The following AUTS2 variants were observed in gnomAD, a reference collection of about 807,000 sequenced individuals.
The protein encoded by AUTS2 is autism susceptibility gene 2 protein.
A neutral mutation model predicts 112.4 loss-of-function variants in AUTS2; 17 were observed. The ratio of observed to expected loss-of-function variants is 0.15; its 90% CI spans 0.10 to 0.23. AUTS2 has a LOEUF of 0.23. Ranked by LOEUF, AUTS2 falls within the 10% of genes least tolerant of loss-of-function variation. AUTS2 has a pLI of 1.00. For synonymous variants in AUTS2, 751 were observed against 702.7 expected (o/e 1.07, Z -1.09); for missense variants, 1,510 against 1,701.6 (o/e 0.89, Z 1.98).
At chr7:70,419,777 A>G (rs75106250) in intron 4 of AUTS2, among the ~76,000 whole-genome samples, 7,638 of 152,328 alleles carry the variant, frequency 0.05, 285 homozygotes, top group Middle Eastern at 0.12. Context: ...CCAACACTGC[A>G]TATCAGCATT....
At chr7:69,643,880 G>C (rs1000075284) in intron 1 of AUTS2, among the ~76,000 whole-genome samples, 1 of 152,144 alleles carries the variant, frequency 6.6e-6, no homozygotes, top group Non-Finnish European at 1.5e-5. Context: ...TGGAGATGAG[G>C]CTGCAGTGAG....
At chr7:70,410,868 T>C (rs1794748351) in intron 4 of AUTS2, among the ~76,000 whole-genome samples, 1 of 150,070 alleles carries the variant, frequency 6.7e-6, no homozygotes, top group African/African-American at 2.4e-5. Context: ...TTATTATTAT[T>C]ATTATTATGT....
intron 1 of AUTS2, among the ~76,000 whole-genome samples, chr7:69,781,290 G>A (rs1789133854): frequency 6.6e-6 from 1 of 152,204 alleles, no homozygotes; most frequent in Admixed American, 6.5e-5. Flanking sequence ...TAAAATGAAA[G>A]TAATATGAAA....
chr7:69,734,348 G>GTTTT (rs77361580), intron 1 of AUTS2, among the ~76,000 whole-genome samples: 4 of 131,988 alleles, frequency 3.0e-5, no homozygotes, highest in Non-Finnish European at 5.0e-5. Flanking sequence ...TTCCTCTTTA[G>GTTTT]TTTTTTTTTT....
intron 2 of AUTS2, among the ~76,000 whole-genome samples, chr7:70,056,820 A>C (rs931329767): frequency 6.6e-6 from 1 of 152,176 alleles, no homozygotes; most frequent in Non-Finnish European, 1.5e-5. Context: ...TGGAGTCCTT[A>C]ACTGATTCAG....
At chr7:69,659,049 G>T (rs918972799) in intron 1 of AUTS2, among the ~76,000 whole-genome samples, 1 of 152,188 alleles carries the variant, frequency 6.6e-6, no homozygotes, top group Non-Finnish European at 1.5e-5. Context: ...CCAGCAACTG[G>T]CAGATGTTTG....
chr7:70,182,465 A>G (rs1204598771), intron 4 of AUTS2, among the ~76,000 whole-genome samples: 1 of 152,208 alleles, frequency 6.6e-6, no homozygotes. Context: ...TTAGCTGACT[A>G]GGAGCAGGAA....
chr7:70,012,326 C>CA (rs1799842130), intron 2 of AUTS2, among the ~76,000 whole-genome samples: 1 of 152,126 alleles, frequency 6.6e-6, no homozygotes, highest in Non-Finnish European at 1.5e-5. Context: ...CTTTGTGGTT[C>CA]ATATTTTTAG....
At chr7:70,611,771 C>T (rs1804104938) in intron 5 of AUTS2, among the ~76,000 whole-genome samples, 1 of 152,222 alleles carries the variant, frequency 6.6e-6, no homozygotes, top group Non-Finnish European at 1.5e-5. Flanking sequence ...CACACTCACT[C>T]ACTAGAATGT....
intron 6 of AUTS2, among the ~76,000 whole-genome samples, chr7:70,700,746 C>T (rs555420633): frequency 1.3e-5 from 2 of 152,278 alleles, no homozygotes; most frequent in African/African-American, 2.4e-5. Flanking sequence ...GGTGCAGAGT[C>T]TCCTTATAGG....
intron 5 of AUTS2, among the ~76,000 whole-genome samples, chr7:70,498,934 C>T (rs1359493796): frequency 6.6e-6 from 1 of 152,178 alleles, no homozygotes; most frequent in Non-Finnish European, 1.5e-5. Flanking sequence ...TGAAGAGACG[C>T]AGGGCAGCCC....
chr7:70,146,831 T>G (rs1035781185), intron 4 of AUTS2, among the ~76,000 whole-genome samples: 35 of 152,148 alleles, frequency 2.3e-4, no homozygotes, highest in African/African-American at 8.0e-4. Context: ...ACAGCTCAAT[T>G]TTATTATTTT....
At chr7:70,745,748 A>C (rs1172357219) in intron 6 of AUTS2, among the ~76,000 whole-genome samples, 1 of 152,232 alleles carries the variant, frequency 6.6e-6, no homozygotes, top group East Asian at 1.9e-4. Flanking sequence ...ATGATTTAAA[A>C]TAGAACATTA....
At chr7:70,432,702 AT>A in intron 4 of AUTS2, among the ~76,000 whole-genome samples, 1 of 152,290 alleles carries the variant, frequency 6.6e-6, no homozygotes, top group South Asian at 2.1e-4. Flanking sequence ...TGCTGAGTGC[AT>A]TTATTGGCTT....
At chr7:70,274,582 T>C (rs1787841853) in intron 4 of AUTS2, among the ~76,000 whole-genome samples, 1 of 152,150 alleles carries the variant, frequency 6.6e-6, no homozygotes, top group Non-Finnish European at 1.5e-5. Flanking sequence ...TAAGACACTG[T>C]GCCCAGCCTT....
chr7:70,102,354 G>A (rs903253679), intron 2 of AUTS2, among the ~76,000 whole-genome samples: 2 of 151,704 alleles, frequency 1.3e-5, no homozygotes, highest in Admixed American at 6.6e-5. Context: ...TCCTGACCTC[G>A]TGATCTGCTT....
At chr7:70,601,423 T>C (rs1388143011) in intron 5 of AUTS2, among the ~76,000 whole-genome samples, 2 of 152,198 alleles carry the variant, frequency 1.3e-5, no homozygotes, top group African/African-American at 4.8e-5. Flanking sequence ...GCAGGTGTTT[T>C]AGGATTTATG....
At chr7:70,563,175 G>A (rs1479533179) in intron 5 of AUTS2, among the ~76,000 whole-genome samples, 1 of 152,180 alleles carries the variant, frequency 6.6e-6, no homozygotes, top group Non-Finnish European at 1.5e-5. Context: ...TCAGGCAGTG[G>A]TAGGATTTTA....
intron 5 of AUTS2, among the ~76,000 whole-genome samples, chr7:70,491,852 T>C (rs1466011976): frequency 6.6e-6 from 1 of 152,054 alleles, no homozygotes; most frequent in Non-Finnish European, 1.5e-5. Context: ...TGACCTCAGG[T>C]AATCCGCCCG....
Sources: allele counts gnomAD v4.1 joint callset (sites outside exome capture counted in the v4.1 genomes callset), GRCh38; gene constraint gnomAD v4.1.1; transcripts MANE v1.5; gene names NCBI Gene and HGNC (gene_info 2026-07-23, HGNC 2026-07-21).